Variants in PDE9A observed in about 807,000 individuals in gnomAD.
The protein encoded by PDE9A is phosphodiesterase 9A.
In PDE9A, 60 loss-of-function variants were observed where a neutral mutation model predicts 87.4. The ratio of observed to expected loss-of-function variants is 0.69; its 90% confidence interval spans 0.56 to 0.85. PDE9A has a LOEUF of 0.85. PDE9A is among the 40% of genes least tolerant of loss of function. The pLI, the probability that PDE9A is intolerant of heterozygous loss-of-function variation, is 0.00. For missense variants in PDE9A, 665 were observed against 779.0 expected (o/e 0.85, Z 1.74); for synonymous variants, 272 against 279.4 (o/e 0.97, Z 0.27).
chr21:42,676,333 C>G (rs1004101220), intron 1 of PDE9A, among the ~76,000 whole-genome samples: 1 of 152,204 alleles, frequency 6.6e-6, no homozygotes, highest in Non-Finnish European at 1.5e-5. Context: ...CTTACATCCA[C>G]AACCACAGTC....
chr21:42,689,635 G>C, intron 3 of PDE9A: 1 of 985,432 alleles, frequency 1.0e-6, no homozygotes, highest in Non-Finnish European at 1.2e-6. Flanking sequence ...AAACTCGGCG[G>C]GAAATAGGAG....
intron 10 of PDE9A, among the ~76,000 whole-genome samples, chr21:42,756,482 C>A (rs1256781113): frequency 6.6e-6 from 1 of 152,242 alleles, no homozygotes; most frequent in Non-Finnish European, 1.5e-5. Flanking sequence ...GCCCAGTGTC[C>A]TGCCCATCAC....
chr21:42,739,592 C>T lies in PDE9A; in HGVS notation c.569-4184C>T, dbSNP rs1042737849. The stretch of plus-strand genomic sequence containing the variant: ...ACTATCCATCTACTTGGCCAACAGC[C>T]TCTTCATAAACTTAATTGCCACAAA... On this transcript the variant is annotated intron_variant, in intron 7 of 19. Coordinates refer to ENST00000291539, the MANE Select transcript of PDE9A (RefSeq NM_002606.3). The surrounding 1 kb of genome is among the most constrained non-coding windows in gnomAD (Gnocchi z 4.1). Among the ~76,000 whole-genome samples the T allele has an allele frequency of 8.5e-5, 13 of 152,228 alleles. No individual in the cohort carries two copies. In the East Asian group the frequency reaches 1.9e-3, roughly 23 times the overall value.
intron 1 of PDE9A, among the ~76,000 whole-genome samples, chr21:42,670,370 TCACA>T (rs796710034): frequency 1.5e-3 from 155 of 106,388 alleles, no homozygotes; most frequent in African/African-American, 8.7e-3. Context: ...ACACACACAT[TCACA>T]CACATTCACA....
intron 1 of PDE9A, among the ~76,000 whole-genome samples, chr21:42,681,315 C>A (rs2059152026): frequency 6.6e-6 from 1 of 152,220 alleles, no homozygotes; most frequent in Non-Finnish European, 1.5e-5. Flanking sequence ...TAGAAGGAGG[C>A]TCTTTTGGAT....
At chr21:42,737,951 C>T (rs1028922192) in intron 7 of PDE9A, among the ~76,000 whole-genome samples, 21 of 152,310 alleles carry the variant, frequency 1.4e-4, no homozygotes, top group Non-Finnish European at 2.8e-4. Flanking sequence ...TTTTGATATA[C>T]AAAGTTTAGC....
intron 17 of PDE9A, among the ~76,000 whole-genome samples, chr21:42,769,505 ACACATGCACACAAGG>A (rs1439827613): frequency 9.2e-6 from 1 of 108,734 alleles, no homozygotes; most frequent in Non-Finnish European, 1.9e-5. Context: ...GCACGCAGGT[ACACATGCACACAAGG>A]CACACAGGCA....
chr21:42,702,778 C>T lies in PDE9A; in HGVS notation c.262+3767C>T, dbSNP rs1602146526. ...TCCTGGCTGATCACCAAATTCCACT[C>T]TGGCTGTTTAGAGTGCAAATGTTTG... On this transcript the variant is annotated intron_variant, in intron 4 of 19. Coordinates refer to ENST00000291539, the MANE Select transcript of PDE9A (RefSeq NM_002606.3). The surrounding 1 kb of genome is among the most constrained non-coding windows in gnomAD (Gnocchi z 4.9). Among the ~76,000 whole-genome samples the T allele has an allele frequency of 6.6e-6, 1 of 152,258 alleles. No homozygotes were observed.
intron 3 of PDE9A, among the ~76,000 whole-genome samples, chr21:42,693,268 C>T (rs2059954940): frequency 6.6e-6 from 1 of 151,940 alleles, no homozygotes; most frequent in African/African-American, 2.4e-5. Flanking sequence ...TGGCTTTCCA[C>T]CCTGGCTGCA....
At chr21:42,662,226 A>AC (rs920941191) in intron 1 of PDE9A, among the ~76,000 whole-genome samples, 44 of 151,592 alleles carry the variant, frequency 2.9e-4, no homozygotes, top group African/African-American at 9.7e-4. Context: ...CCCGGGCGCC[A>AC]CCCCCCCAGG....
chr21:42,709,253 GA>G (rs2049091262), intron 4 of PDE9A, among the ~76,000 whole-genome samples: 1 of 152,146 alleles, frequency 6.6e-6, no homozygotes, highest in Admixed American at 6.5e-5. Flanking sequence ...GCTGGACAAT[GA>G]GAACACATGG....
In PDE9A at chr21:42,662,689, A is replaced by G. The variant is rs1347391825; in HGVS notation, c.69+8806A>G. Among the ~76,000 whole-genome samples, 9 of 145,014 alleles carry G rather than the reference A, an allele frequency of 6.2e-5. No homozygotes were observed. The Admixed American group carries it at 6.2e-4, about 10-fold the overall frequency. On this transcript the variant is annotated intron_variant, in intron 1 of 19. Coordinates refer to ENST00000291539, the MANE Select transcript of PDE9A (RefSeq NM_002606.3). ...CACCACGCACACGCACTGCACACAC[A>G]TGCACACACCATGCACACGCACATC...
intron 7 of PDE9A, among the ~76,000 whole-genome samples, chr21:42,738,076 A>T (rs2052660782): frequency 6.6e-6 from 1 of 152,176 alleles, no homozygotes; most frequent in East Asian, 1.9e-4. Context: ...GAGATTTTAA[A>T]GCAGGGCCCT....
intron 13 of PDE9A, 44 bp from the exon 14 acceptor site, chr21:42,762,039 G>A: frequency 6.3e-7 from 1 of 1,589,092 alleles, no homozygotes; most frequent in South Asian, 1.1e-5. Flanking sequence ...CAGGTACCTG[G>A]TGAGGGCGCC....
chr21:42,677,828 A>G (rs1194751250), intron 1 of PDE9A, among the ~76,000 whole-genome samples: 2 of 152,160 alleles, frequency 1.3e-5, no homozygotes, highest in East Asian at 3.9e-4. Flanking sequence ...TTTTTAGTAG[A>G]GATGGGATTT....
intron 7 of PDE9A, among the ~76,000 whole-genome samples, chr21:42,740,768 GATA>G (rs2053158031): frequency 2.1e-5 from 3 of 144,092 alleles, no homozygotes; most frequent in East Asian, 2.0e-4. Flanking sequence ...TAGATAGATA[GATA>G]GATAGATAGA....
intron 15 of PDE9A, 187 bp downstream of exon 15, chr21:42,765,681 G>C (rs112843024): frequency 7.6e-5 from 46 of 604,124 alleles, no homozygotes; most frequent in Middle Eastern, 8.2e-4. Flanking sequence ...CCCTCCTGAT[G>C]GGTCCTCCTT....
chr21:42,759,158 G>A lies in PDE9A; in HGVS notation c.897+73G>A. 3.7e-6 allele frequency: 4 copies of A among 1,085,620 alleles called. No individual in the cohort carries two copies. The highest frequency in any genetic ancestry group is 2.6e-5 in the South Asian group (2 of 77,146). The allele number at this position is 1,085,620 out of a possible 1,614,324, so 67.2% of individuals were successfully genotyped here. A position where few individuals can be genotyped will look rare whatever the true frequency, so the allele number is the denominator to read the frequency against. Reference sequence around the variant, plus strand: ...CCAGTTCCACAGGAATGGAGGGAATGGATCACCAGGGCACCTTCCGGATGG... The same window carrying A: ...CCAGTTCCACAGGAATGGAGGGAATAGATCACCAGGGCACCTTCCGGATGG... On this transcript the variant is annotated intron_variant, in intron 11 of 19. Transcript: ENST00000291539. The surrounding 1 kb of genome is among the most constrained non-coding windows in gnomAD (Gnocchi z 7.2).
intron 3 of PDE9A, among the ~76,000 whole-genome samples, chr21:42,690,860 G>A: frequency 6.6e-6 from 1 of 152,062 alleles, no homozygotes; most frequent in East Asian, 1.9e-4. Flanking sequence ...TCCCAGCTCT[G>A]CAGAACCAGC....
Sources: gnomAD v4.1 joint callset for allele counts (sites outside exome capture counted in the v4.1 genomes callset) on GRCh38, gnomAD v4.1.1 for gene constraint, Gnocchi (gnomAD v3.1) non-coding constraint, MANE v1.5 for transcripts, NCBI Gene and HGNC (gene_info 2026-07-23, HGNC 2026-07-21) for gene names.